Variants in TTC7A observed in about 807,000 individuals in gnomAD.
The protein encoded by TTC7A is tetratricopeptide repeat domain 7A.
In TTC7A, 110 loss-of-function variants were observed where a neutral mutation model predicts 103.7. The observed-to-expected ratio is 1.06, with a 90% confidence interval of 0.91 to 1.24. The LOEUF (loss-of-function observed/expected upper bound fraction) is 1.24. Among genes scored for constraint, TTC7A ranks in the 50% most tolerant of loss-of-function variants. The pLI is 0.00. For synonymous variants in TTC7A, 521 were observed against 467.9 expected (o/e 1.11, Z -1.47); for missense variants, 1,340 against 1,116.3 (o/e 1.20, Z -2.86).
At chr2:47,057,966 C>A (rs1483157948) in intron 18 of TTC7A, among the ~76,000 whole-genome samples, 1 of 152,162 alleles carries the variant, frequency 6.6e-6, no homozygotes, top group Non-Finnish European at 1.5e-5. Context: ...CTTTCTCCTC[C>A]TTGTGGGGAG....
intron 8 of TTC7A, among the ~76,000 whole-genome samples, chr2:46,997,236 C>T (rs1403666794): frequency 6.6e-6 from 1 of 152,116 alleles, no homozygotes; most frequent in Non-Finnish European, 1.5e-5. Flanking sequence ...GCCTCAGCCT[C>T]CCAAAGTGCT....
chr2:47,057,116 C>T (rs979512338), intron 18 of TTC7A, among the ~76,000 whole-genome samples: 2 of 152,212 alleles, frequency 1.3e-5, no homozygotes, highest in Admixed American at 6.5e-5. Context: ...AGCAAAGCGT[C>T]GAGCAGGAGC....
chr2:47,025,827 TC>T (rs551598034), intron 14 of TTC7A, among the ~76,000 whole-genome samples: 136 of 151,758 alleles, frequency 9.0e-4, no homozygotes, highest in African/African-American at 3.1e-3. Flanking sequence ...CACTCCTCAC[TC>T]CTGACCCCAG....
At chr2:46,982,477 G>A (rs1203711489) in intron 5 of TTC7A, among the ~76,000 whole-genome samples, 1 of 152,236 alleles carries the variant, frequency 6.6e-6, no homozygotes, top group Admixed American at 6.5e-5. Flanking sequence ...AACCACAGCT[G>A]TGAAGTCAGC....
At chr2:46,938,908 G>T (rs1440737377), upstream of TTC7A, among the ~76,000 whole-genome samples, 1 of 151,946 alleles carries the variant, frequency 6.6e-6, no homozygotes, top group Non-Finnish European at 1.5e-5. Flanking sequence ...CTACTCGGGA[G>T]GCTAAGGCAG....
chr2:46,957,631 T>C (rs1267872571), intron 3 of TTC7A, among the ~76,000 whole-genome samples: 1 of 152,130 alleles, frequency 6.6e-6, no homozygotes, highest in African/African-American at 2.4e-5. Context: ...GTCAGTGATG[T>C]AGGAATTTTA....
At chr2:47,034,717 C>G (rs1387337355) in intron 15 of TTC7A, among the ~76,000 whole-genome samples, 1 of 152,184 alleles carries the variant, frequency 6.6e-6, no homozygotes, top group Non-Finnish European at 1.5e-5. Context: ...CCCTTCCCCT[C>G]TCCACAGTGG....
intron 5 of TTC7A, among the ~76,000 whole-genome samples, chr2:46,985,355 G>A (rs1674908804): frequency 6.6e-6 from 1 of 152,216 alleles, no homozygotes; most frequent in African/African-American, 2.4e-5. Context: ...GTCTTGGCGT[G>A]TAAGTAGCAG....
Position 47,051,837 on chromosome 2 carries a change from C to A in TTC7A, c.2109C>A (p.Pro703=). ...CCTCTTCGGTCCTGAAGCAGGGCCCCATGCAGCTGTGGACCACGCTGGAAC... is the reference window on the plus strand; with the variant it reads ...CCTCTTCGGTCCTGAAGCAGGGCCCAATGCAGCTGTGGACCACGCTGGAAC... ...TMPSSVLKQG[P]MQLWTTLEQI... Residue 703 remains proline (P), a synonymous_variant, in exon 18 of 20, where the codon CCC becomes CCA. Transcript: ENST00000319190. The A allele has an allele frequency of 2.5e-6, 4 of 1,612,216 alleles. No homozygotes were observed. In the South Asian group the frequency reaches 3.3e-5, roughly 13 times the overall value.
intron 19 of TTC7A, among the ~76,000 whole-genome samples, chr2:47,066,539 C>T (rs73929372): frequency 0.013 from 1,964 of 152,262 alleles, 32 homozygotes; most frequent in African/African-American, 0.044. Flanking sequence ...TCACCCCCTC[C>T]GCCTGCTGGC....
intron 3 of TTC7A, among the ~76,000 whole-genome samples, chr2:46,968,092 T>A (rs1673015133): frequency 6.6e-6 from 1 of 152,202 alleles, no homozygotes; most frequent in African/African-American, 2.4e-5. Flanking sequence ...AGGGTGGGGC[T>A]TCTTGGAAGG....
At chr2:46,977,944 C>G (rs909971925) in intron 4 of TTC7A, among the ~76,000 whole-genome samples, 3 of 152,200 alleles carry the variant, frequency 2.0e-5, no homozygotes, top group Non-Finnish European at 4.4e-5. Flanking sequence ...AAAACCAGCC[C>G]TGTAGGACCG....
At chr2:46,995,300 G>A (rs1351795496) in intron 8 of TTC7A, 101 bp downstream of exon 8, 5 of 1,129,948 alleles carry the variant, frequency 4.4e-6, no homozygotes, top group African/African-American at 1.5e-5. Flanking sequence ...GCCAAACTCT[G>A]TCTCCCAGGG....
chr2:47,046,634 C>T (rs962438895), intron 16 of TTC7A, among the ~76,000 whole-genome samples: 1 of 152,090 alleles, frequency 6.6e-6, no homozygotes, highest in Non-Finnish European at 1.5e-5. Flanking sequence ...ACATAGAGAC[C>T]CTACGTAGGA....
chr2:47,037,285 A>G (rs1196326951), intron 15 of TTC7A, among the ~76,000 whole-genome samples: 1 of 152,128 alleles, frequency 6.6e-6, no homozygotes, highest in Non-Finnish European at 1.5e-5. Context: ...GCTTACCCCC[A>G]TGGTAGGGAA....
chr2:46,974,868 C>T (rs1484044736), intron 3 of TTC7A, 105 bp from the exon 4 acceptor site: 7 of 1,496,478 alleles, frequency 4.7e-6, no homozygotes. Flanking sequence ...CTGGCTGCAC[C>T]AGAGTGTCTG....
chr2:46,937,926 A>G (rs933268103), upstream of TTC7A, among the ~76,000 whole-genome samples: 1 of 152,166 alleles, frequency 6.6e-6, no homozygotes, highest in African/African-American at 2.4e-5. This position sits in a 1 kb window ranked among gnomAD's most constrained non-coding sequence, Gnocchi z 4.0. Flanking sequence ...ACTACTGTGT[A>G]TATATATGTA....
intron 15 of TTC7A, chr2:47,045,484 C>T (rs945468240): frequency 2.0e-5 from 3 of 152,296 alleles, no homozygotes; most frequent in African/African-American, 7.2e-5. Context: ...CTCAACCATT[C>T]TAAGGGCCAC....
intron 1 of TTC7A, among the ~76,000 whole-genome samples, chr2:46,948,386 T>C (rs1362197457): frequency 6.6e-6 from 1 of 152,208 alleles, no homozygotes; most frequent in African/African-American, 2.4e-5. Context: ...CAAATTACCC[T>C]AGAGGTTCTA....
Sources: gnomAD v4.1 joint callset for allele counts (sites outside exome capture counted in the v4.1 genomes callset) on GRCh38, gnomAD v4.1.1 for gene constraint, Gnocchi (gnomAD v3.1) non-coding constraint, MANE v1.5 for transcripts, NCBI Gene and HGNC (gene_info 2026-07-23, HGNC 2026-07-21) for gene names.